The following ARHGAP21 variants were observed in gnomAD, a reference collection of about 807,000 sequenced individuals.
The protein encoded by ARHGAP21 is Rho GTPase activating protein 21.
A neutral mutation model predicts 164.6 loss-of-function variants in ARHGAP21; 38 were observed. The observed-to-expected ratio is 0.23, with a 90% CI of 0.18 to 0.30. The LOEUF (loss-of-function observed/expected upper bound fraction) is 0.30, where lower values mean the gene tolerates loss of function less well. Ranked by LOEUF, ARHGAP21 falls within the 10% of genes least tolerant of loss-of-function variation. ARHGAP21 has a pLI of 1.00. For missense variants in ARHGAP21, 1,822 were observed against 2,370.7 expected (o/e 0.77, Z 4.81); for synonymous variants, 766 against 857.9 (o/e 0.89, Z 1.87).
chr10:24,619,351 C>T, intron 9 of ARHGAP21, 122 bp downstream of exon 9: 2 of 968,396 alleles, frequency 2.1e-6, no homozygotes, highest in Non-Finnish European at 3.0e-6. Flanking sequence ...TTATGAGATT[C>T]ACTAGAAACA....
At chr10:24,591,792 A>G (rs1455991011) in intron 22 of ARHGAP21, 95 bp downstream of exon 22, 4 of 1,600,326 alleles carry the variant, frequency 2.5e-6, no homozygotes, top group Non-Finnish European at 2.6e-6. Context: ...AGATATTACA[A>G]CCAACCTCTG....
intron 4 of ARHGAP21, 113 bp downstream of exon 4, chr10:24,666,872 C>T: frequency 1.4e-6 from 1 of 704,438 alleles, no homozygotes; most frequent in South Asian, 1.9e-5. Flanking sequence ...CACCTAAGAA[C>T]TATTATATAT....
rs780035071 is a variant in ARHGAP21 at position 24,620,183 on chromosome 10, C to T, written c.1712G>A (p.Arg571Gln). The change falls in exon 9 of 26, where the codon CGA becomes CAA. Residue 571 changes from arginine (R) to glutamine (Q), a missense_variant. This residue lies in a region of ARHGAP21 where 1,090 missense variants were observed against 1,378.9 expected (regional missense o/e 0.79). Transcript: ENST00000396432. ...AGATCCCACTCCTCTACCACTCATT[C>T]GCCTGTTATCAGAATTAACAACGCT... ...APSVVNSDNR[R>Q]MSGRGVGSVS... 13 of 1,613,932 alleles carry T rather than the reference C, an allele frequency of 8.1e-6. No homozygotes were observed. The highest frequency in any genetic ancestry group is 3.3e-5 in the Admixed American group (2 of 60,014).
At chr10:24,592,738 G>T (rs1002944892) in intron 21 of ARHGAP21, among the ~76,000 whole-genome samples, 2 of 142,608 alleles carry the variant, frequency 1.4e-5, no homozygotes, top group Non-Finnish European at 3.0e-5. Flanking sequence ...CCTGTTTGAA[G>T]AAAAAAAGAA....
chr10:24,719,675 G>A (rs1845742766), intron 2 of ARHGAP21, among the ~76,000 whole-genome samples: 1 of 152,194 alleles, frequency 6.6e-6, no homozygotes, highest in South Asian at 2.1e-4. Flanking sequence ...ACTGTGGAAT[G>A]TAGTGCTTCT....
At chr10:24,637,866 ATTTT>A (rs11358986) in intron 4 of ARHGAP21, among the ~76,000 whole-genome samples, 1 of 139,770 alleles carries the variant, frequency 7.2e-6, no homozygotes. Flanking sequence ...TCTTGCTCAC[ATTTT>A]TTTTTTTTTT....
intron 2 of ARHGAP21, among the ~76,000 whole-genome samples, chr10:24,701,605 T>C (rs1470219790): frequency 1.3e-5 from 2 of 152,112 alleles, no homozygotes; most frequent in Non-Finnish European, 2.9e-5. Flanking sequence ...GCAAAGGCCC[T>C]GAGATGAACA....
Position 24,723,726 on chromosome 10 carries a change from G to C in ARHGAP21, c.-545C>G, listed in dbSNP as rs1156588753. On this transcript the variant is annotated 5_prime_UTR_variant, in exon 1 of 26. Coordinates refer to ENST00000396432, the MANE Select transcript of ARHGAP21 (RefSeq NM_020824.4). The stretch of plus-strand genomic sequence containing the variant: ...CGCTCCGAGGCCGCCGCCCCCGGCC[G>C]GCCGCTCCCAGGCACCGCCGCGACC... 6.8e-6 allele frequency: 1 copy of C among 146,710 alleles called. No homozygotes were observed. Among genetic ancestry groups the C allele is most frequent in the Admixed American group, 6.8e-5 (1 of 14,698 alleles). 9.1% of individuals were successfully genotyped at this position (146,710 alleles called of 1,614,324 possible).
intron 9 of ARHGAP21, among the ~76,000 whole-genome samples, chr10:24,617,406 T>A (rs1366832695): frequency 6.6e-6 from 1 of 152,140 alleles, no homozygotes; most frequent in Non-Finnish European, 1.5e-5. Flanking sequence ...GTTGTAAGAT[T>A]TTTTTACATT....
At chr10:24,666,807 G>C (rs1840240403) in intron 4 of ARHGAP21, among the ~76,000 whole-genome samples, 178 bp downstream of exon 4, 1 of 152,030 alleles carries the variant, frequency 6.6e-6, no homozygotes, top group Non-Finnish European at 1.5e-5. Context: ...TGAGACAATG[G>C]AATTCATAAA....
chr10:24,662,732 T>C (rs1253550758), intron 4 of ARHGAP21, among the ~76,000 whole-genome samples: 1 of 152,234 alleles, frequency 6.6e-6, no homozygotes, highest in Non-Finnish European at 1.5e-5. Context: ...TGAACTTTGA[T>C]CAGAAGAGGT....
chr10:24,660,501 A>T (rs773884547), intron 4 of ARHGAP21, among the ~76,000 whole-genome samples: 1 of 151,900 alleles, frequency 6.6e-6, no homozygotes, highest in Non-Finnish European at 1.5e-5. Flanking sequence ...AATTCTAAAC[A>T]TGCTTCTGAT....
chr10:24,628,534 C>CA (rs907196780), intron 7 of ARHGAP21, among the ~76,000 whole-genome samples: 1 of 151,868 alleles, frequency 6.6e-6, no homozygotes, highest in Non-Finnish European at 1.5e-5. Flanking sequence ...ATTACCACGA[C>CA]AAAGAGTCCA....
At chr10:24,599,317 C>T (rs1360793798) in intron 14 of ARHGAP21, among the ~76,000 whole-genome samples, 1 of 152,200 alleles carries the variant, frequency 6.6e-6, no homozygotes, top group Non-Finnish European at 1.5e-5. Flanking sequence ...AAATCCACAT[C>T]TAAGTTCTTA....
At chr10:24,645,955 G>A (rs1837532522) in intron 4 of ARHGAP21, among the ~76,000 whole-genome samples, 1 of 152,158 alleles carries the variant, frequency 6.6e-6, no homozygotes, top group Non-Finnish European at 1.5e-5. Flanking sequence ...CAGGTGACAT[G>A]TGCACAGCTA....
intron 2 of ARHGAP21, among the ~76,000 whole-genome samples, chr10:24,673,825 A>T (rs941540410): frequency 2.6e-5 from 4 of 152,116 alleles, no homozygotes; most frequent in Non-Finnish European, 5.9e-5. Flanking sequence ...TTACACCACT[A>T]CACTCCAGCC....
intron 4 of ARHGAP21, among the ~76,000 whole-genome samples, chr10:24,660,545 T>C (rs1839578353): frequency 6.6e-6 from 1 of 152,150 alleles, no homozygotes; most frequent in Non-Finnish European, 1.5e-5. Context: ...TGGACCATGC[T>C]TGAAAAGTCT....
intron 2 of ARHGAP21, among the ~76,000 whole-genome samples, chr10:24,695,068 A>G (rs11014203): frequency 4.5e-3 from 52 of 11,446 alleles, no homozygotes; most frequent in Non-Finnish European, 6.4e-3. Flanking sequence ...AAAAAAAAAA[A>G]AAAAAAAAAA....
chr10:24,672,322 CAACTT>C (rs1565139310), intron 2 of ARHGAP21, among the ~76,000 whole-genome samples: 1 of 152,152 alleles, frequency 6.6e-6, no homozygotes, highest in African/African-American at 2.4e-5. Context: ...AGAATTTTCT[CAACTT>C]GACTTCTCAC....
Sources: allele counts gnomAD v4.1 joint callset (sites outside exome capture counted in the v4.1 genomes callset), GRCh38; gene constraint gnomAD v4.1.1; regional missense constraint gnomAD v4.1.1; transcripts MANE v1.5; gene names NCBI Gene and HGNC (gene_info 2026-07-23, HGNC 2026-07-21).